Variants in GMPR2 observed in about 807,000 individuals in gnomAD.
GMPR2 encodes GMP reductase 2.
In GMPR2, 32 loss-of-function variants were observed where a neutral mutation model predicts 38.5. The observed-to-expected ratio is 0.83, with a 90% CI of 0.63 to 1.12. The LOEUF (loss-of-function observed/expected upper bound fraction) is 1.12, where lower values mean the gene tolerates loss of function less well. Among genes scored for constraint, GMPR2 ranks in the 50% most tolerant of loss-of-function variants. The pLI, the probability that GMPR2 is intolerant of heterozygous loss-of-function variation, is 0.00. For missense variants in GMPR2, 396 were observed against 432.1 expected (o/e 0.92, Z 0.74); for synonymous variants, 154 against 151.0 (o/e 1.02, Z -0.15).
upstream of GMPR2, chr14:24,232,861 T>C (rs2138932942): frequency 3.1e-6 from 1 of 319,444 alleles, no homozygotes; most frequent in East Asian, 6.9e-5. Flanking sequence ...AGTACCTCTA[T>C]TCCGGAAACT....
rs1295070718 is a variant in GMPR2 at position 24,239,219 on chromosome 14, A to G, written c.*441A>G. 2.8e-6 allele frequency: 1 copy of G among 363,262 alleles called. No homozygotes were observed. The highest frequency in any genetic ancestry group is 2.1e-5 in the African/African-American group (1 of 46,968). 22.5% of individuals were successfully genotyped at this position (363,262 alleles called of 1,614,324 possible). ...TTTGTATATTTGAAATACCTCAATA[A>G]AGAGAGAGCTCATTGACTGTAAAGA... On this transcript the variant is annotated 3_prime_UTR_variant, in exon 10 of 10. Coordinates refer to ENST00000399440, the MANE Select transcript of GMPR2 (RefSeq NM_001002002.3).
At chr14:24,234,305 G>C in intron 3 of GMPR2, 1 of 1,102,812 alleles carries the variant, frequency 9.1e-7, no homozygotes, top group Non-Finnish European at 1.2e-6. Flanking sequence ...TGTAGCCCTG[G>C]TTGATGAATT....
intron 3 of GMPR2, 131 bp downstream of exon 3, chr14:24,233,729 G>A (rs750237725): frequency 1.9e-6 from 2 of 1,035,564 alleles, no homozygotes; most frequent in South Asian, 2.6e-5. Flanking sequence ...CTGATTTACG[G>A]TTTTTTCCAC....
intron 3 of GMPR2, among the ~76,000 whole-genome samples, chr14:24,235,106 T>C (rs753142455): frequency 3.9e-5 from 6 of 152,272 alleles, no homozygotes; most frequent in Non-Finnish European, 8.8e-5. Flanking sequence ...ATGAGTTTGA[T>C]GAGTCATTAT....
At position 24,235,784 on chromosome 14, in the gene GMPR2, G is replaced by A. The variant is rs2040311390; in HGVS notation, c.255G>A (p.Trp85Ter). The change falls in exon 4 of 10, where the codon TGG becomes TGA. Residue 85 changes from tryptophan to a stop codon, truncating the protein, a stop_gained. Transcript: ENST00000399440. LOFTEE classifies it high-confidence loss of function. The stretch of plus-strand genomic sequence containing the variant: ...ATAAGCACTATAGCCTCGTTCAGTG[G>A]CAAGAGTTTGCTGGCCAGAATCCTG... ...AVHKHYSLVQ[W>*]QEFAGQNPDC... The A allele has an allele frequency of 6.2e-7, 1 of 1,613,602 alleles. No homozygotes were observed. Among genetic ancestry groups the A allele is most frequent in the South Asian group, 1.1e-5 (1 of 91,064 alleles).
Position 24,233,344 on chromosome 14 carries a change from A to G in GMPR2, c.87+4A>G, listed in dbSNP as rs1168245917. The G allele has an allele frequency of 2.5e-6, 4 of 1,613,882 alleles. No individual in the cohort carries two copies. The Admixed American group carries it at 5.0e-5, about 20-fold the overall frequency. On this transcript the variant is annotated splice_donor_region_variant and intron_variant, in intron 2 of 9. Transcript: ENST00000399440. ...TACCCTTAAGTCTCGAAGTGAGGTG[A>G]GCAAGCTTCTCTACTTGCTGTTTCT...
intron 3 of GMPR2, 88 bp downstream of exon 3, chr14:24,233,686 G>T (rs774755439): frequency 3.5e-6 from 5 of 1,421,554 alleles, no homozygotes; most frequent in African/African-American, 1.4e-5. Flanking sequence ...CCCATGCCCA[G>T]TCAGTTCTCT....
At position 24,238,326 on chromosome 14, in the gene GMPR2, G is replaced by A. The variant is rs1331048475; in HGVS notation, c.778G>A (p.Gly260Ser). ...AGGTGGTGAGCTCATCGAGAGGGAT[G>A]GCAAGAAGTACAAGCTCTTCTATGG... Reference protein sequence around the residue: ...ESGGELIERDGKKYKLFYGMS... With the variant: ...ESGGELIERDSKKYKLFYGMS... Residue 260 changes from glycine to serine, a missense_variant, in exon 9 of 10, where the codon GGC becomes AGC. Transcript: ENST00000399440. 1.2e-6 allele frequency: 2 copies of A among 1,614,004 alleles called. No homozygotes were observed. The highest frequency in any genetic ancestry group is 3.3e-5 in the Admixed American group (2 of 60,002).
At position 24,237,354 on chromosome 14, in the gene GMPR2, A is replaced by G. The variant is rs955020602; in HGVS notation, c.654+3A>G. On this transcript the variant is annotated splice_donor_region_variant and intron_variant, in intron 7 of 9. Coordinates refer to ENST00000399440, the MANE Select transcript of GMPR2 (RefSeq NM_001002002.3). ...GCCTCAAAGGCCACATCATTTCAGTAAGGCTCAAGGGCAGGGTAGGGTATG... is the reference window on the plus strand; with the variant it reads ...GCCTCAAAGGCCACATCATTTCAGTGAGGCTCAAGGGCAGGGTAGGGTATG... 2.5e-6 allele frequency: 4 copies of G among 1,573,022 alleles called. No individual in the cohort carries two copies. The South Asian group carries it at 3.3e-5, about 13-fold the overall frequency.
At chr14:24,236,209 G>A (rs1055767995) in intron 5 of GMPR2, 69 bp downstream of exon 5, 2 of 1,106,134 alleles carry the variant, frequency 1.8e-6, no homozygotes, top group African/African-American at 3.1e-5. Flanking sequence ...TGCTACATCA[G>A]TCCATTTCTC....
chr14:24,234,202 G>T (rs1384352666), intron 3 of GMPR2: 41 of 1,289,420 alleles, frequency 3.2e-5, no homozygotes, highest in Non-Finnish European at 4.0e-5. Context: ...TGCTGCTCCT[G>T]TCAGTACTAT....
chr14:24,237,562 G>A lies in GMPR2; in HGVS notation c.697G>A (p.Gly233Arg). 4 of 1,613,670 alleles carry A rather than the reference G, an allele frequency of 2.5e-6. No homozygotes were observed. Among genetic ancestry groups the A allele is most frequent in the Non-Finnish European group, 3.4e-6 (4 of 1,179,572 alleles). Residue 233 changes from glycine (G) to arginine (R), a missense_variant and splice_region_variant, in exon 8 of 10, where the codon GGG (glycine) becomes AGG (arginine). Physicochemically the swap from Gly to Arg is moderately radical, Grantham distance 125. Transcript: ENST00000399440. Reference protein sequence around the residue: ...SCPGDVAKAFGAGADFVMLGG... With the variant: ...SCPGDVAKAFRAGADFVMLGG... ...TCCTGGGGATGTGGCCAAGGCTTTT[G>A]GTAAGGAGCTTGAGGGCACAGAAGG...
In GMPR2 at chr14:24,239,007, C is replaced by T; in HGVS notation, c.*229C>T. ...AAGCAAACAGTCTGAGAAAATGATGCAAGAAAATCAAATGGGAATCTGGGG... is the reference window on the plus strand; with the variant it reads ...AAGCAAACAGTCTGAGAAAATGATGTAAGAAAATCAAATGGGAATCTGGGG... On this transcript the variant is annotated 3_prime_UTR_variant, in exon 10 of 10. Coordinates refer to ENST00000399440, the MANE Select transcript of GMPR2 (RefSeq NM_001002002.3). 1 of 618,842 alleles carries T rather than the reference C, an allele frequency of 1.6e-6. No individual in the cohort carries two copies. Among genetic ancestry groups the T allele is most frequent in the Non-Finnish European group, 3.0e-6 (1 of 332,368 alleles). The allele number at this position is 618,842 out of a possible 1,614,324, so 38.3% of individuals were successfully genotyped here.
rs201460018 is a variant in GMPR2, at chr14:24,233,592, C to G, written c.201C>G (p.Leu67=). The change falls in exon 3 of 10, where the codon CTC becomes CTG. Residue 67 remains leucine (L), a synonymous_variant. Transcript: ENST00000399440. ...TVGTFEMAKV[L]CKFSLFTAVH... Reference sequence around the variant, plus strand: ...GCACCTTTGAGATGGCCAAGGTTCTCTGTAAGGTAGGGCTTTCCTCATGCC... The same window carrying G: ...GCACCTTTGAGATGGCCAAGGTTCTGTGTAAGGTAGGGCTTTCCTCATGCC... The G allele has an allele frequency of 3.7e-5, 60 of 1,614,046 alleles. No individual in the cohort carries two copies. The highest frequency in any genetic ancestry group is 5.0e-5 in the Non-Finnish European group (59 of 1,180,020).
Position 24,233,524 on chromosome 14 carries a change from T to C in GMPR2, c.133T>C (p.Tyr45His). 1 of 1,614,040 alleles carries C rather than the reference T, an allele frequency of 6.2e-7. No individual in the cohort carries two copies. The highest frequency in any genetic ancestry group is 8.5e-7 in the Non-Finnish European group (1 of 1,179,866). The part of the protein sequence containing the change: ...SFSFRNSKQT[Y>H]SGVPIIAANM... ...TTCATTTCGGAACTCAAAGCAGACA[T>C]ACTCTGGGGTTCCCATCATTGCTGC... Residue 45 changes from tyrosine (Y) to histidine (H), a missense_variant, in exon 3 of 10, where the codon TAC (tyrosine) becomes CAC (histidine). Coordinates refer to ENST00000399440, the MANE Select transcript of GMPR2 (RefSeq NM_001002002.3).
At chr14:24,236,923 T>TA in intron 5 of GMPR2, 148 bp from the exon 6 acceptor site, 1 of 640,818 alleles carries the variant, frequency 1.6e-6, no homozygotes, top group Non-Finnish European at 2.7e-6. Flanking sequence ...GTGGCTAGTG[T>TA]AAAAGCCCTC....
In GMPR2 at chr14:24,238,835, T is replaced by TG. The variant is rs769718914; in HGVS notation, c.*61dup. On this transcript the variant is annotated 3_prime_UTR_variant, in exon 10 of 10. Coordinates refer to ENST00000399440, the MANE Select transcript of GMPR2 (RefSeq NM_001002002.3). Reference sequence around the variant, plus strand: ...GTACTCTACCATGGGGCATCCCAAGTGGGGTCCTCACCCATCCCAGCTACT... The same window carrying TG: ...GTACTCTACCATGGGGCATCCCAAGTGGGGGTCCTCACCCATCCCAGCTACT... 4.1e-6 allele frequency: 6 copies of TG among 1,471,960 alleles called. No homozygotes were observed. The highest frequency in any genetic ancestry group is 5.7e-6 in the Non-Finnish European group (6 of 1,061,888). 91.2% of individuals were successfully genotyped at this position (1,471,960 alleles called of 1,614,324 possible). A position where few individuals can be genotyped will look rare whatever the true frequency, so the allele number is the denominator to read the frequency against.
intron 8 of GMPR2, chr14:24,238,008 A>T (rs1299299144): frequency 6.0e-6 from 3 of 497,378 alleles, no homozygotes; most frequent in African/African-American, 5.8e-5. Context: ...AGAAAGCAAA[A>T]GCCAGGCAGG....
At chr14:24,235,416 T>C (rs985886770) in intron 3 of GMPR2, 3 of 365,408 alleles carry the variant, frequency 8.2e-6, no homozygotes, top group Non-Finnish European at 1.5e-5. Flanking sequence ...GGTTCTTTCA[T>C]GTCTGCTGCC....
Sources: allele counts gnomAD v4.1 joint callset (sites outside exome capture counted in the v4.1 genomes callset), GRCh38; gene constraint gnomAD v4.1.1; transcripts MANE v1.5; gene names NCBI Gene and HGNC (gene_info 2026-07-23, HGNC 2026-07-21).